CTIF: variants seen among roughly 807,000 people sequenced by gnomAD.
CTIF encodes the protein cap binding complex dependent translation initiation factor.
Under a neutral mutation model 66.0 loss-of-function variants are expected in CTIF, and 21 were observed. That is an observed-to-expected ratio of 0.32 (90% confidence interval 0.23 to 0.46). The LOEUF (loss-of-function observed/expected upper bound fraction) is 0.46. Among genes scored for constraint, CTIF ranks in the 20% least tolerant of loss-of-function variants. The pLI, the probability that CTIF is intolerant of heterozygous loss-of-function variation, is 1.00. For synonymous variants in CTIF, 345 were observed against 326.4 expected (o/e 1.06, Z -0.62); for missense variants, 739 against 812.7 (o/e 0.91, Z 1.10).
Position 48,758,192 on chromosome 18 carries a change from A to G in CTIF, c.858A>G (p.Ala286=). ...TIENPKLEDT[A]GDTGHSSLEA... ...AGAACCCAAAACTGGAGGACACTGC[A>G]GGGGACACCGGGCACAGCAGCCTTG... is the stretch of plus-strand genomic sequence containing the variant. Residue 286 remains alanine, a synonymous_variant, in exon 8 of 12, where the codon GCA becomes GCG. Coordinates refer to ENST00000256413, the MANE Select transcript of CTIF (RefSeq NM_014772.3). 2 of 1,613,748 alleles carry G rather than the reference A, an allele frequency of 1.2e-6. No individual in the cohort carries two copies. The highest frequency in any genetic ancestry group is 1.3e-5 in the African/African-American group (1 of 74,968).
At chr18:48,549,241 T>G (rs1257439194) in intron 1 of CTIF, among the ~76,000 whole-genome samples, 1 of 152,164 alleles carries the variant, frequency 6.6e-6, no homozygotes, top group African/African-American at 2.4e-5. Context: ...GGGAAAGCAT[T>G]ATCTGTGGGG....
intron 6 of CTIF, among the ~76,000 whole-genome samples, chr18:48,674,350 G>T (rs1027362387): frequency 1.3e-5 from 2 of 152,246 alleles, no homozygotes; most frequent in Admixed American, 6.5e-5. Context: ...CTGTGCTGCT[G>T]CAGCTCCTGC....
At chr18:48,728,169 T>C (rs2092401606) in intron 7 of CTIF, among the ~76,000 whole-genome samples, 1 of 152,158 alleles carries the variant, frequency 6.6e-6, no homozygotes, top group South Asian at 2.1e-4. Flanking sequence ...CTTCCTCTAA[T>C]TCCCAATAAT....
chr18:48,758,432 C>G, intron 8 of CTIF, 27 bp downstream of exon 8: 1 of 1,557,816 alleles, frequency 6.4e-7, no homozygotes, highest in South Asian at 1.2e-5. Flanking sequence ...TTTTGTTCTT[C>G]TCTTGCACCA....
intron 7 of CTIF, among the ~76,000 whole-genome samples, chr18:48,757,062 A>T (rs1033242293): frequency 2.0e-5 from 3 of 152,174 alleles, no homozygotes; most frequent in Non-Finnish European, 2.9e-5. Context: ...CTTGGTTTGC[A>T]GATGGTCACC....
chr18:48,564,065 C>T (rs2089224927), intron 1 of CTIF, among the ~76,000 whole-genome samples: 1 of 152,186 alleles, frequency 6.6e-6, no homozygotes, highest in African/African-American at 2.4e-5. Context: ...CTTGGCTCTC[C>T]CTTGGTTTAG....
chr18:48,635,641 A>C lies in CTIF; in HGVS notation c.181-973A>C, dbSNP rs570783518. On this transcript the variant is annotated intron_variant, in intron 2 of 11. Transcript: ENST00000256413. ...GGCCCTCCTCTGCTCTTTATGTATC[A>C]TGCAGGGTGTAGGTTAAGGTCAATA... Among the ~76,000 whole-genome samples, 10 of 152,154 alleles carry C rather than the reference A, an allele frequency of 6.6e-5. No homozygotes were observed. The East Asian group carries it at 1.9e-3, about 29-fold the overall frequency.
chr18:48,563,892 G>A (rs78808796), intron 1 of CTIF, among the ~76,000 whole-genome samples: 10,817 of 152,232 alleles, frequency 0.071, 473 homozygotes, highest in South Asian at 0.1. Context: ...CCTCTTGCTT[G>A]TGGTCTCTGG....
intron 1 of CTIF, among the ~76,000 whole-genome samples, chr18:48,593,504 C>A (rs2089930933): frequency 6.6e-6 from 1 of 151,668 alleles, no homozygotes; most frequent in Admixed American, 6.6e-5. Flanking sequence ...CCTCCGCCTC[C>A]CCGAGTAGCT....
At chr18:48,676,188 G>A (rs1043332910) in intron 6 of CTIF, among the ~76,000 whole-genome samples, 2 of 152,102 alleles carry the variant, frequency 1.3e-5, no homozygotes, top group Non-Finnish European at 2.9e-5. Flanking sequence ...TCAGGTTCCC[G>A]GGCACAGGGC....
intron 1 of CTIF, among the ~76,000 whole-genome samples, chr18:48,593,045 G>A (rs1263160588): frequency 1.3e-5 from 2 of 152,214 alleles, no homozygotes; most frequent in Admixed American, 6.5e-5. Flanking sequence ...TTTAGAGGAT[G>A]CCTGTGAAGT....
At chr18:48,711,723 G>C (rs1489666164) in intron 7 of CTIF, 28 bp downstream of exon 7, 1 of 1,598,034 alleles carries the variant, frequency 6.3e-7, no homozygotes, top group East Asian at 2.2e-5. Flanking sequence ...GTGAGCTTTG[G>C]GTTTTCCTTT....
chr18:48,541,914 G>C (rs924835782), intron 1 of CTIF, among the ~76,000 whole-genome samples: 11 of 151,092 alleles, frequency 7.3e-5, no homozygotes, highest in Admixed American at 7.3e-4. Flanking sequence ...CCCATTTTAC[G>C]GATGAACACA....
At chr18:48,730,282 GGGTGTGAGGGGCCCCTGA>G (rs1278876697) in intron 7 of CTIF, among the ~76,000 whole-genome samples, 16 of 109,412 alleles carry the variant, frequency 1.5e-4, no homozygotes, top group East Asian at 3.0e-4. Context: ...GGGCCTCCTG[GGGTGTGAGGGGCCCCTGA>G]GGTGTGAGGG....
chr18:48,856,332 T>C (rs1466425967), intron 10 of CTIF, among the ~76,000 whole-genome samples: 4 of 152,314 alleles, frequency 2.6e-5, no homozygotes, highest in Admixed American at 2.0e-4. Flanking sequence ...ATGGAGCCAT[T>C]GTGGGAAAAC....
intron 7 of CTIF, among the ~76,000 whole-genome samples, chr18:48,733,424 T>C (rs1046064052): frequency 6.6e-6 from 1 of 152,218 alleles, no homozygotes; most frequent in Non-Finnish European, 1.5e-5. Context: ...AGCTCTTTGC[T>C]GACCACTGTC....
At chr18:48,622,774 A>G in intron 2 of CTIF, among the ~76,000 whole-genome samples, 1 of 152,288 alleles carries the variant, frequency 6.6e-6, no homozygotes, top group East Asian at 1.9e-4. Context: ...AGTCCCCTGG[A>G]AGCCCCTAGA....
chr18:48,800,604 C>T (rs980224427), intron 9 of CTIF, among the ~76,000 whole-genome samples: 2 of 152,234 alleles, frequency 1.3e-5, no homozygotes, highest in African/African-American at 4.8e-5. Context: ...GATAACCCCC[C>T]ACACACCCAT....
intron 7 of CTIF, among the ~76,000 whole-genome samples, chr18:48,729,215 G>C (rs1270083212): frequency 6.6e-6 from 1 of 152,058 alleles, no homozygotes; most frequent in South Asian, 2.1e-4. Context: ...TTACCCAGGG[G>C]GTCCAGCAGA....
Sources: gnomAD v4.1 joint callset for allele counts (sites outside exome capture counted in the v4.1 genomes callset) on GRCh38, gnomAD v4.1.1 for gene constraint, MANE v1.5 for transcripts, NCBI Gene and HGNC (gene_info 2026-07-23, HGNC 2026-07-21) for gene names.